Variants in RAB27B observed in about 807,000 individuals in gnomAD.
The protein encoded by RAB27B is ras-related protein Rab-27B.
A neutral mutation model predicts 24.6 loss-of-function variants in RAB27B; 15 were observed. That is an observed-to-expected ratio of 0.61 (90% CI 0.41 to 0.94). RAB27B has a LOEUF of 0.94. Among genes scored for constraint, RAB27B ranks in the 40% least tolerant of loss-of-function variants. The probability of loss-of-function intolerance (pLI) is 0.00; values close to 1 mark genes in which losing one functional copy is unlikely to be tolerated. For missense variants in RAB27B, 261 were observed against 266.8 expected, an observed-to-expected ratio of 0.98 and a Z score of 0.15; for synonymous variants, 105 against 92.5, an observed-to-expected ratio of 1.14 and a Z score of -0.78.
chr18:54,804,338 G>A (rs978516892), intron 2 of RAB27B, among the ~76,000 whole-genome samples: 32 of 152,076 alleles, frequency 2.1e-4, no homozygotes, highest in African/African-American at 7.5e-4. Flanking sequence ...TGAATCATGG[G>A]GACCAATCTT....
chr18:54,841,186 G>GGA (rs1911107973), intron 1 of RAB27B, among the ~76,000 whole-genome samples: 1 of 125,528 alleles, frequency 8.0e-6, no homozygotes, highest in Non-Finnish European at 1.7e-5. Flanking sequence ...AGAGGGGCGG[G>GGA]AAAAATACAG....
chr18:54,875,152 A>G (rs1169419098), intron 1 of RAB27B, among the ~76,000 whole-genome samples: 1 of 152,098 alleles, frequency 6.6e-6, no homozygotes, highest in African/African-American at 2.4e-5. Context: ...GCAAAACCCC[A>G]TTTATACAAA....
intron 2 of RAB27B, among the ~76,000 whole-genome samples, chr18:54,750,174 AT>A (rs1372879323): frequency 6.6e-6 from 1 of 152,126 alleles, no homozygotes; most frequent in Non-Finnish European, 1.5e-5. Flanking sequence ...GCTTCCTTCC[AT>A]TTTTTATCAA....
Position 54,882,033 on chromosome 18 carries a change from G to T in RAB27B, c.240-2300G>T, listed in dbSNP as rs141714276. Among the ~76,000 whole-genome samples the T allele has an allele frequency of 4.0e-3, 609 of 152,228 alleles. 2 individuals carry two copies. The highest frequency in any genetic ancestry group is 0.014 in the African/African-American group (592 of 41,552). On this transcript the variant is annotated intron_variant, in intron 3 of 5. Transcript: ENST00000262094. ...GGTACAGCTAGTTTCCAAAGAGGGA[G>T]AATTATTCAATCAAAGCACTATAAT...
At position 54,719,981 on chromosome 18, in the gene RAB27B, TA is replaced by T. The variant is rs781547832; in HGVS notation, c.-20+1841del. 3.4e-4 allele frequency among the ~76,000 whole-genome samples: 51 copies of T among 152,064 alleles called. 1 individual carries two copies. Among genetic ancestry groups the T allele is most frequent in the Middle Eastern group, 3.2e-3 (1 of 316 alleles). ...AAAGATTCATTGAATTCAATGATGA[TA>T]GGGGAAAAAGTCCCAAGAAGTATGT... is the stretch of plus-strand genomic sequence containing the variant. On this transcript the variant is annotated intron_variant, in intron 2 of 4. Coordinates refer to the RAB27B transcript ENST00000586570.
chr18:54,828,171 A>C (rs1163949961), upstream of RAB27B: 1 of 152,066 alleles, frequency 6.6e-6, no homozygotes, highest in African/African-American at 2.4e-5. Flanking sequence ...CGGAGGAGAG[A>C]ACGCAATGTC....
intron 1 of RAB27B, among the ~76,000 whole-genome samples, chr18:54,831,121 G>C (rs1910657534): frequency 6.6e-6 from 1 of 152,164 alleles, no homozygotes; most frequent in Admixed American, 6.6e-5. Flanking sequence ...GCTCAGCAGA[G>C]AGTATAAAGC....
At chr18:54,719,181 A>T (rs1428716727) in intron 2 of RAB27B, among the ~76,000 whole-genome samples, 1 of 152,162 alleles carries the variant, frequency 6.6e-6, no homozygotes, top group Admixed American at 6.5e-5. Context: ...TTGTTAAATA[A>T]TTTTTAAAAT....
At chr18:54,776,817 G>T (rs1284434413) in intron 2 of RAB27B, among the ~76,000 whole-genome samples, 1 of 152,160 alleles carries the variant, frequency 6.6e-6, no homozygotes, top group African/African-American at 2.4e-5. Flanking sequence ...CCAGCACTTT[G>T]GGAGGCCAAG....
intron 2 of RAB27B, among the ~76,000 whole-genome samples, chr18:54,760,496 T>A (rs973203600): frequency 1.3e-5 from 2 of 152,092 alleles, no homozygotes; most frequent in African/African-American, 4.8e-5. Context: ...TAATTTAAAG[T>A]TTTGAAAATA....
intron 1 of RAB27B, among the ~76,000 whole-genome samples, chr18:54,854,795 A>G (rs1196957491): frequency 6.6e-6 from 1 of 152,154 alleles, no homozygotes; most frequent in Non-Finnish European, 1.5e-5. Flanking sequence ...TATATCCTTT[A>G]ATGATAATGT....
chr18:54,867,135 A>T (rs1912262882), intron 1 of RAB27B, among the ~76,000 whole-genome samples: 1 of 152,190 alleles, frequency 6.6e-6, no homozygotes, highest in Admixed American at 6.5e-5. Context: ...TTTAAGTTTA[A>T]AAACTTATTT....
intron 2 of RAB27B, among the ~76,000 whole-genome samples, chr18:54,752,687 G>C (rs1907872397): frequency 6.6e-6 from 1 of 152,200 alleles, no homozygotes; most frequent in East Asian, 1.9e-4. Flanking sequence ...CAGCCTAGAA[G>C]TTTCTGTGTT....
chr18:54,825,214 T>C (rs548741243), upstream of RAB27B, among the ~76,000 whole-genome samples: 18 of 152,318 alleles, frequency 1.2e-4, no homozygotes, highest in Admixed American at 3.9e-4. Context: ...GTGATCTGCT[T>C]TATGTCTCTG....
At chr18:54,852,148 G>T (rs1357910566) in intron 1 of RAB27B, among the ~76,000 whole-genome samples, 1 of 152,140 alleles carries the variant, frequency 6.6e-6, no homozygotes, top group Non-Finnish European at 1.5e-5. Flanking sequence ...AAATGCAAAG[G>T]TTGCGAAGAA....
chr18:54,858,566 T>G (rs553116544), intron 1 of RAB27B, among the ~76,000 whole-genome samples: 4 of 151,958 alleles, frequency 2.6e-5, no homozygotes, highest in Admixed American at 6.6e-5. Context: ...TCTTTTTTTA[T>G]ATATTTTTAG....
intron 2 of RAB27B, among the ~76,000 whole-genome samples, chr18:54,802,888 G>A (rs1027229221): frequency 2.0e-5 from 3 of 152,194 alleles, no homozygotes; most frequent in Non-Finnish European, 4.4e-5. Flanking sequence ...AGGTTTTGTC[G>A]ATGGTGAGTA....
chr18:54,880,748 C>T (rs757988827), intron 3 of RAB27B: 2 of 152,124 alleles, frequency 1.3e-5, no homozygotes, highest in Admixed American at 6.6e-5. Context: ...CATATGTCCT[C>T]GCACATGATA....
chr18:54,807,309 G>C (rs1909822216), intron 2 of RAB27B, among the ~76,000 whole-genome samples: 1 of 152,168 alleles, frequency 6.6e-6, no homozygotes, highest in Admixed American at 6.5e-5. Context: ...ATCACATGCT[G>C]CATCAGTATT....
Sources: gnomAD v4.1 joint callset for allele counts (sites outside exome capture counted in the v4.1 genomes callset) on GRCh38, gnomAD v4.1.1 for gene constraint, MANE v1.5 for transcripts, NCBI Gene and HGNC (gene_info 2026-07-23, HGNC 2026-07-21) for gene names.